Variants in BACE2 observed in about 807,000 individuals in gnomAD.
BACE2 encodes beta-secretase 2.
A neutral mutation model predicts 46.2 loss-of-function variants in BACE2; 17 were observed. The observed-to-expected ratio is 0.37, with a 90% CI of 0.25 to 0.55. The LOEUF (loss-of-function observed/expected upper bound fraction) is 0.55, where lower values mean the gene tolerates loss of function less well. Among genes scored for constraint, BACE2 ranks in the 20% least tolerant of loss-of-function variants. The pLI, the probability that BACE2 is intolerant of heterozygous loss-of-function variation, is 0.82. For missense variants in BACE2, 595 were observed against 698.1 expected, an observed-to-expected ratio of 0.85 and a Z score of 1.66; for synonymous variants, 277 against 295.9, an observed-to-expected ratio of 0.94 and a Z score of 0.66.
intron 6 of BACE2, among the ~76,000 whole-genome samples, chr21:41,247,621 G>A (rs1390512499): frequency 2.6e-5 from 4 of 152,238 alleles, no homozygotes; most frequent in East Asian, 3.9e-4. Flanking sequence ...CCAGCACGTC[G>A]TGGACCGGCC....
Position 41,243,466 on chromosome 21 carries a change from A to C in BACE2, c.838A>C (p.Lys280Gln). ...EEWYYQIEIL[K>Q]LEIGGQSLNL... ...GTGGTACTACCAGATAGAAATTCTG[A>C]AATTGGAAATTGGAGGCCAAAGCCT... Residue 280 changes from lysine to glutamine, a missense_variant, in exon 5 of 9, where the codon AAA becomes CAA. By Grantham distance (53) the Lys-to-Gln change is moderately conservative. Transcript: ENST00000330333. 6.2e-7 allele frequency: 1 copy of C among 1,612,866 alleles called. No individual in the cohort carries two copies. Among genetic ancestry groups the C allele is most frequent in the Non-Finnish European group, 8.5e-7 (1 of 1,179,488 alleles).
In BACE2 at chr21:41,168,193, C is replaced by T; in HGVS notation, c.-71C>T. 1 of 939,484 alleles carries T rather than the reference C, an allele frequency of 1.1e-6. No homozygotes were observed. The highest frequency in any genetic ancestry group is 1.3e-6 in the Non-Finnish European group (1 of 769,474). The allele number at this position is 939,484 out of a possible 1,614,324, so 58.2% of individuals were successfully genotyped here. A position where few individuals can be genotyped will look rare whatever the true frequency, so the allele number is the denominator to read the frequency against. ...CCGCAGCCCCGCGCGCCGGCCGAGT[C>T]GCTGAGCCGCGGCTGCCGGACGGGA... On this transcript the variant is annotated 5_prime_UTR_variant, in exon 1 of 9. Transcript: ENST00000330333.
At chr21:41,234,916 G>A (rs1046756166) in intron 2 of BACE2, among the ~76,000 whole-genome samples, 2 of 152,036 alleles carry the variant, frequency 1.3e-5, no homozygotes, top group Non-Finnish European at 2.9e-5. Flanking sequence ...GGAGATCTGC[G>A]CACAGAAAAC....
At chr21:41,234,620 A>G (rs1304463335) in intron 2 of BACE2, among the ~76,000 whole-genome samples, 1 of 152,230 alleles carries the variant, frequency 6.6e-6, no homozygotes, top group Admixed American at 6.5e-5. Context: ...ATTTCAAGAT[A>G]ATTAGTCTTT....
chr21:41,235,839 T>C (rs985919181), intron 2 of BACE2, among the ~76,000 whole-genome samples: 1 of 148,594 alleles, frequency 6.7e-6, no homozygotes, highest in African/African-American at 2.6e-5. Flanking sequence ...AGACCTTTTC[T>C]TTAAAAGAAA....
At chr21:41,269,988 A>T (rs553495811) in intron 8 of BACE2, among the ~76,000 whole-genome samples, 1 of 152,342 alleles carries the variant, frequency 6.6e-6, no homozygotes, top group South Asian at 2.1e-4. Context: ...GTTGTTAAAC[A>T]TCCTCACCAA....
At chr21:41,250,173 AGTG>A (rs927535132) in intron 6 of BACE2, among the ~76,000 whole-genome samples, 3 of 152,126 alleles carry the variant, frequency 2.0e-5, no homozygotes, top group Non-Finnish European at 4.4e-5. Flanking sequence ...GTGGTGTTCT[AGTG>A]TTACAAGAAG....
intron 1 of BACE2, among the ~76,000 whole-genome samples, chr21:41,171,955 A>G (rs1248828819): frequency 6.6e-6 from 1 of 152,224 alleles, no homozygotes; most frequent in Non-Finnish European, 1.5e-5. Context: ...TATTTGGAAG[A>G]CTTGTATTGA....
chr21:41,168,686 C>G, intron 1 of BACE2, 111 bp downstream of exon 1: 1 of 834,928 alleles, frequency 1.2e-6, no homozygotes, highest in Non-Finnish European at 1.6e-6. Flanking sequence ...CAGCTGTCCC[C>G]GCACAGAAGA....
intron 1 of BACE2, chr21:41,182,862 T>C (rs780279583): frequency 6.0e-6 from 1 of 167,032 alleles, no homozygotes; most frequent in Non-Finnish European, 1.5e-5. Flanking sequence ...TATCCTTCCT[T>C]GCAAAACAAA....
At chr21:41,182,254 C>T (rs1985158738) in intron 1 of BACE2, 1 of 167,094 alleles carries the variant, frequency 6.0e-6, no homozygotes, top group African/African-American at 2.4e-5. Context: ...GCCTGTGACT[C>T]ATAAGAAACA....
intron 1 of BACE2, among the ~76,000 whole-genome samples, chr21:41,201,787 G>A (rs145304326): frequency 3.3e-4 from 51 of 152,366 alleles, no homozygotes; most frequent in African/African-American, 7.9e-4. Context: ...GCCCTTTTCC[G>A]AAGAAAATCT....
At chr21:41,248,218 A>G (rs1246294448) in intron 6 of BACE2, among the ~76,000 whole-genome samples, 1 of 152,074 alleles carries the variant, frequency 6.6e-6, no homozygotes, top group African/African-American at 2.4e-5. Flanking sequence ...GCAAAATAAT[A>G]CCCGCTTGAA....
At chr21:41,177,403 C>T (rs952312763) in intron 1 of BACE2, 1 of 152,412 alleles carries the variant, frequency 6.6e-6, no homozygotes, top group Non-Finnish European at 1.5e-5. Context: ...GGCAGCCCTT[C>T]CCTCACAGCA....
At chr21:41,273,025 A>G (rs1424039501) in intron 8 of BACE2, among the ~76,000 whole-genome samples, 2 of 152,228 alleles carry the variant, frequency 1.3e-5, no homozygotes, top group Admixed American at 1.3e-4. Context: ...CAGGGAAGAC[A>G]TCACATGTCG....
chr21:41,241,566 G>A (rs906907290), intron 3 of BACE2, among the ~76,000 whole-genome samples: 1 of 152,120 alleles, frequency 6.6e-6, no homozygotes, highest in Non-Finnish European at 1.5e-5. Context: ...ATGTGACTGC[G>A]TCGAATGGCT....
At chr21:41,234,544 C>T (rs1220319102) in intron 2 of BACE2, among the ~76,000 whole-genome samples, 1 of 152,174 alleles carries the variant, frequency 6.6e-6, no homozygotes, top group African/African-American at 2.4e-5. Context: ...AAACCTAAAA[C>T]GTCTATTATT....
rs2088519707 is a variant in BACE2 at position 41,279,110 on chromosome 21, A to C, written c.*3486A>C. On this transcript the variant is annotated 3_prime_UTR_variant, in exon 9 of 9. Coordinates refer to ENST00000330333, the MANE Select transcript of BACE2 (RefSeq NM_012105.5). ...CCAAGAGAGGTACTAGATTTTTTTA[A>C]TGCCGAGAAAAGTCCATGCCACAGA... 6.6e-6 allele frequency: 1 copy of C among 152,104 alleles called. No homozygotes were observed. Among genetic ancestry groups the C allele is most frequent in the Non-Finnish European group, 1.5e-5 (1 of 68,016 alleles). The allele number at this position is 152,104 out of a possible 1,614,324, so 9.4% of individuals were successfully genotyped here.
At chr21:41,196,739 T>C (rs1985747367) in intron 1 of BACE2, among the ~76,000 whole-genome samples, 1 of 152,232 alleles carries the variant, frequency 6.6e-6, no homozygotes, top group Non-Finnish European at 1.5e-5. Flanking sequence ...AATTTGGCTT[T>C]GGTAAGTTGT....
Sources: gnomAD v4.1 joint callset for allele counts (sites outside exome capture counted in the v4.1 genomes callset) on GRCh38, gnomAD v4.1.1 for gene constraint, MANE v1.5 for transcripts, NCBI Gene and HGNC (gene_info 2026-07-23, HGNC 2026-07-21) for gene names.